Variants in NAALADL2 observed in about 807,000 individuals in gnomAD.
NAALADL2 encodes the protein inactive N-acetylated-alpha-linked acidic dipeptidase-like protein 2.
In NAALADL2, 76 loss-of-function variants were observed where a neutral mutation model predicts 87.2. The ratio of observed to expected loss-of-function variants is 0.87; its 90% confidence interval spans 0.72 to 1.05. NAALADL2 has a LOEUF of 1.05. Among genes scored for constraint, NAALADL2 ranks in the 50% least tolerant of loss-of-function variants. NAALADL2 has a pLI of 0.00. For synonymous variants in NAALADL2, 354 were observed against 331.0 expected (o/e 1.07, Z -0.75); for missense variants, 1,089 against 945.8 (o/e 1.15, Z -1.99).
chr3:175,256,378 CTTTA>C (rs755340206), intron 3 of NAALADL2, 29 bp from the exon 4 acceptor site: 6 of 1,579,332 alleles, frequency 3.8e-6, no homozygotes, highest in Middle Eastern at 3.5e-4. Flanking sequence ...TCCTCTGAGG[CTTTA>C]TTTTTCTTTG....
intron 10 of NAALADL2, among the ~76,000 whole-genome samples, chr3:175,592,838 A>G (rs1721713090): frequency 1.3e-5 from 2 of 151,882 alleles, no homozygotes; most frequent in Non-Finnish European, 2.9e-5. Context: ...ATGTATACAT[A>G]TGTAACTAAC....
chr3:175,582,857 A>G (rs140803308), intron 10 of NAALADL2, among the ~76,000 whole-genome samples: 21 of 152,252 alleles, frequency 1.4e-4, no homozygotes, highest in Non-Finnish European at 1.5e-5. Context: ...CTCCTTTAAA[A>G]CGTAATGGCC....
intron 9 of NAALADL2, among the ~76,000 whole-genome samples, chr3:175,568,492 G>A (rs747893906): frequency 5.3e-5 from 8 of 152,174 alleles, no homozygotes; most frequent in Non-Finnish European, 7.4e-5. Context: ...CGTTAATGTG[G>A]TTTGTGAGCT....
intron 2 of NAALADL2, among the ~76,000 whole-genome samples, chr3:174,718,393 T>C (rs1293115274): frequency 6.6e-6 from 1 of 152,184 alleles, no homozygotes; most frequent in Non-Finnish European, 1.5e-5. Flanking sequence ...TCTGTACAAC[T>C]CTAAATGAAA....
intron 11 of NAALADL2, among the ~76,000 whole-genome samples, chr3:175,727,139 G>C (rs547209976): frequency 1.3e-5 from 2 of 152,148 alleles, no homozygotes; most frequent in South Asian, 4.2e-4. Flanking sequence ...TGCATGATCT[G>C]TCGGCTCCAG....
intron 10 of NAALADL2, among the ~76,000 whole-genome samples, chr3:175,602,799 T>C (rs184650362): frequency 1.3e-5 from 2 of 152,270 alleles, no homozygotes; most frequent in East Asian, 1.9e-4. Flanking sequence ...TTAAATTCCA[T>C]ATGCAGGGTT....
intron 2 of NAALADL2, among the ~76,000 whole-genome samples, chr3:175,147,071 A>G (rs930574084): frequency 5.3e-5 from 8 of 152,208 alleles, no homozygotes; most frequent in African/African-American, 1.4e-4. Context: ...GTAGTTAAGA[A>G]AAGCAAACAT....
chr3:175,793,982 T>C (rs997248161), intron 13 of NAALADL2, among the ~76,000 whole-genome samples: 2 of 152,144 alleles, frequency 1.3e-5, no homozygotes, highest in Admixed American at 1.3e-4. Context: ...TCCACATCCT[T>C]CTCATTATTA....
At chr3:175,733,849 A>T (rs919044347) in intron 11 of NAALADL2, among the ~76,000 whole-genome samples, 11 of 152,226 alleles carry the variant, frequency 7.2e-5, no homozygotes, top group Admixed American at 6.5e-4. Context: ...TGCAAGTCCA[A>T]AATCCAGCAG....
chr3:174,564,368 A>C (rs1362805281), intron 2 of NAALADL2, among the ~76,000 whole-genome samples: 1 of 152,102 alleles, frequency 6.6e-6, no homozygotes, highest in Admixed American at 6.6e-5. Context: ...CACAGAATAA[A>C]AGGAGGAGGA....
chr3:174,832,701 C>T (rs1274436427), intron 3 of NAALADL2, among the ~76,000 whole-genome samples: 3 of 152,040 alleles, frequency 2.0e-5, no homozygotes, highest in Non-Finnish European at 2.9e-5. Context: ...CTCTTGACGT[C>T]GTGATCCGCC....
chr3:175,627,460 A>G (rs1727147727), intron 11 of NAALADL2, 74 bp downstream of exon 11: 2 of 933,504 alleles, frequency 2.1e-6, no homozygotes, highest in Non-Finnish European at 3.3e-6. Context: ...GCAAAGGAAC[A>G]TAACCAATCA....
intron 5 of NAALADL2, among the ~76,000 whole-genome samples, chr3:175,360,810 CTGTG>C (rs746890254): frequency 9.1e-6 from 1 of 109,786 alleles, no homozygotes; most frequent in Non-Finnish European, 1.8e-5. Flanking sequence ...TAATATTCCA[CTGTG>C]TGTGTGTGTG....
chr3:175,467,629 T>C (rs915279430), intron 8 of NAALADL2, among the ~76,000 whole-genome samples: 8 of 152,190 alleles, frequency 5.3e-5, no homozygotes, highest in African/African-American at 1.9e-4. Flanking sequence ...GGATATTGAA[T>C]GTAAAATACA....
chr3:175,341,579 A>G (rs1188458426), intron 5 of NAALADL2, among the ~76,000 whole-genome samples: 1 of 152,136 alleles, frequency 6.6e-6, no homozygotes, highest in Non-Finnish European at 1.5e-5. Context: ...TGAAGAACTG[A>G]CAAACTGTTT....
rs869212429 is a variant in NAALADL2, at chr3:175,600,525, CTTTTTTTTTTTTTTT to C, written c.1800+24354_1800+24368del. Among the ~76,000 whole-genome samples the C allele has an allele frequency of 3.3e-4, 20 of 61,068 alleles. No individual in the cohort carries two copies. The South Asian group carries it at 7.1e-3, about 22-fold the overall frequency. 40.1% of individuals were successfully genotyped at this position (61,068 alleles called of 152,430 possible). ...TTTTGTCCCACAAATGTGTCTTAGTCTTTTTTTTTTTTTTTTTTTTTTTTTTTTTTGAGACGGAGT... is the reference window on the plus strand; with the variant it reads ...TTTTGTCCCACAAATGTGTCTTAGTCTTTTTTTTTTTTTTTGAGACGGAGT... On this transcript the variant is annotated intron_variant, in intron 10 of 13. Coordinates refer to ENST00000454872, the MANE Select transcript of NAALADL2 (RefSeq NM_207015.3).
chr3:174,923,869 G>A (rs1735593052), intron 1 of NAALADL2, among the ~76,000 whole-genome samples: 1 of 152,032 alleles, frequency 6.6e-6, no homozygotes, highest in Admixed American at 6.6e-5. Flanking sequence ...GATATTTTTT[G>A]GGTAGTTCAT....
chr3:175,266,778 A>G (rs150044512), intron 4 of NAALADL2, among the ~76,000 whole-genome samples: 1 of 151,934 alleles, frequency 6.6e-6, no homozygotes, highest in East Asian at 1.9e-4. Context: ...CAATACCCAC[A>G]TTAATGATTG....
At chr3:174,866,008 A>G (rs934826211) in intron 1 of NAALADL2, among the ~76,000 whole-genome samples, 13 of 151,924 alleles carry the variant, frequency 8.6e-5, no homozygotes, top group African/African-American at 3.1e-4. Context: ...ATGCCAGAAC[A>G]TGCTGAAAAA....
Sources: gnomAD v4.1 joint callset for allele counts (sites outside exome capture counted in the v4.1 genomes callset) on GRCh38, gnomAD v4.1.1 for gene constraint, MANE v1.5 for transcripts, NCBI Gene and HGNC (gene_info 2026-07-23, HGNC 2026-07-21) for gene names.